The following MYO5B variants were observed in gnomAD, a reference collection of about 807,000 sequenced individuals.
The protein encoded by MYO5B is myosin VB.
In MYO5B, 143 loss-of-function variants were observed where a neutral mutation model predicts 229.3. The observed-to-expected ratio is 0.62, with a 90% CI of 0.54 to 0.72. The LOEUF is 0.72. Among genes scored for constraint, MYO5B ranks in the 30% least tolerant of loss-of-function variants. The probability of loss-of-function intolerance (pLI) is 0.00; values close to 1 mark genes in which losing one functional copy is unlikely to be tolerated. For missense variants in MYO5B, 2,321 were observed against 2,331.0 expected (o/e 1.00, Z 0.09); for synonymous variants, 918 against 885.2 (o/e 1.04, Z -0.66).
chr18:50,028,220 C>G (rs1215323114), intron 4 of MYO5B, among the ~76,000 whole-genome samples: 3 of 152,172 alleles, frequency 2.0e-5, no homozygotes, highest in Non-Finnish European at 4.4e-5. Context: ...TGATTAAAAA[C>G]AGTTCTTGAG....
intron 4 of MYO5B, among the ~76,000 whole-genome samples, chr18:50,035,520 C>T (rs973093554): frequency 1.3e-5 from 2 of 152,194 alleles, no homozygotes; most frequent in African/African-American, 4.8e-5. Context: ...CTCCTCTGTG[C>T]CATACCCGCG....
Position 50,169,295 on chromosome 18 carries a change from T to C in MYO5B, c.27+25472A>G, listed in dbSNP as rs2032894770. Reference sequence around the variant, plus strand: ...TCCAGCCTGGGCAAAGAGCAAGACCTTGTCTCAAAAAAGAAAAGCTACATA... The same window carrying C: ...TCCAGCCTGGGCAAAGAGCAAGACCCTGTCTCAAAAAAGAAAAGCTACATA... On this transcript the variant is annotated intron_variant, in intron 1 of 39. Coordinates refer to ENST00000285039, the MANE Select transcript of MYO5B (RefSeq NM_001080467.3). Among the ~76,000 whole-genome samples the C allele has an allele frequency of 1.6e-5, 2 of 127,098 alleles. 1 individual carries two copies. The highest frequency in any genetic ancestry group is 5.5e-4 in the South Asian group (2 of 3,638). 83.4% of individuals were successfully genotyped at this position (127,098 alleles called of 152,430 possible).
chr18:49,847,832 G>C (rs1402958480), intron 32 of MYO5B, among the ~76,000 whole-genome samples: 6 of 152,246 alleles, frequency 3.9e-5, no homozygotes, highest in Non-Finnish European at 7.3e-5. Flanking sequence ...GTGACCTGTG[G>C]GTGGTGGATC....
intron 1 of MYO5B, among the ~76,000 whole-genome samples, chr18:50,112,577 G>A (rs942908249): frequency 2.0e-5 from 3 of 152,174 alleles, no homozygotes; most frequent in African/African-American, 7.2e-5. Context: ...TGACACTTGA[G>A]ACTGGTTATG....
chr18:49,981,978 C>T (rs576928059), intron 8 of MYO5B, among the ~76,000 whole-genome samples: 9 of 152,286 alleles, frequency 5.9e-5, no homozygotes, highest in African/African-American at 2.2e-4. Flanking sequence ...GAGTATCTTG[C>T]TCTTAAGTCA....
chr18:49,934,744 G>A (rs1445517710), intron 16 of MYO5B, among the ~76,000 whole-genome samples: 2 of 152,220 alleles, frequency 1.3e-5, no homozygotes, highest in African/African-American at 4.8e-5. Context: ...GAGCAAGCAA[G>A]CAGCACACTG....
chr18:50,129,095 T>C (rs546154052), intron 1 of MYO5B, among the ~76,000 whole-genome samples: 1 of 152,252 alleles, frequency 6.6e-6, no homozygotes, highest in African/African-American at 2.4e-5. Flanking sequence ...TGCTCAGTGA[T>C]GTGAAAGGAG....
intron 1 of MYO5B, among the ~76,000 whole-genome samples, chr18:50,057,879 C>G (rs2030590381): frequency 6.6e-6 from 1 of 152,142 alleles, no homozygotes; most frequent in African/African-American, 2.4e-5. Context: ...AATCCTCATA[C>G]TAACTACTTA....
chr18:49,945,985 T>C (rs2025368142), intron 14 of MYO5B, among the ~76,000 whole-genome samples: 1 of 152,168 alleles, frequency 6.6e-6, no homozygotes, highest in South Asian at 2.1e-4. Context: ...ATAATTCTAA[T>C]TCATATACTT....
At chr18:50,035,784 A>T (rs575544045) in intron 4 of MYO5B, among the ~76,000 whole-genome samples, 8 of 152,348 alleles carry the variant, frequency 5.3e-5, no homozygotes, top group Non-Finnish European at 1.0e-4. Flanking sequence ...ATAGTTACAG[A>T]TCATTCTGTT....
At chr18:49,857,565 C>T (rs2024277317) in intron 29 of MYO5B, among the ~76,000 whole-genome samples, 1 of 152,204 alleles carries the variant, frequency 6.6e-6, no homozygotes, top group South Asian at 2.1e-4. Context: ...TCTCCAATAG[C>T]TAAAACAAGT....
At chr18:50,048,655 A>G (rs2030304177) in intron 2 of MYO5B, among the ~76,000 whole-genome samples, 1 of 152,184 alleles carries the variant, frequency 6.6e-6, no homozygotes, top group African/African-American at 2.4e-5. Context: ...GCATGAAGGT[A>G]TCATCTCTGC....
intron 29 of MYO5B, among the ~76,000 whole-genome samples, chr18:49,861,651 A>C (rs2024330757): frequency 6.6e-6 from 1 of 151,916 alleles, no homozygotes; most frequent in South Asian, 2.1e-4. Flanking sequence ...CTGATTACCT[A>C]CTCAGTGGCT....
At chr18:50,162,922 C>G (rs11082806) in intron 1 of MYO5B, among the ~76,000 whole-genome samples, 20,227 of 152,204 alleles carry the variant, frequency 0.13, 1,426 homozygotes, top group South Asian at 0.21. Context: ...CCAAGCTACT[C>G]GGAGCCACAC....
chr18:49,880,513 T>C lies in MYO5B; in HGVS notation c.3046-58A>G, dbSNP rs1159007000. The C allele has an allele frequency of 1.7e-5, 23 of 1,358,262 alleles. No individual in the cohort carries two copies. In the East Asian group the frequency reaches 5.0e-4, roughly 30 times the overall value. The allele number at this position is 1,358,262 out of a possible 1,614,324, so 84.1% of individuals were successfully genotyped here. The stretch of plus-strand genomic sequence containing the variant: ...TGATGCTGGGAAGAGGAGAGGCTCC[T>C]CTTGTGGGATTTGAATTTTAACTGG... On this transcript the variant is annotated intron_variant, in intron 22 of 39. Transcript: ENST00000285039.
intron 17 of MYO5B, among the ~76,000 whole-genome samples, chr18:49,914,340 T>C (rs1291562430): frequency 6.6e-6 from 1 of 152,140 alleles, no homozygotes; most frequent in African/African-American, 2.4e-5. Flanking sequence ...CACCCTGTGA[T>C]GGGGGGCCAG....
chr18:50,037,446 C>CAGAGAAT (rs1438539435), intron 3 of MYO5B, among the ~76,000 whole-genome samples: 1 of 152,166 alleles, frequency 6.6e-6, no homozygotes, highest in Non-Finnish European at 1.5e-5. Flanking sequence ...AACATGCGGA[C>CAGAGAAT]AGAGAATACA....
intron 1 of MYO5B, among the ~76,000 whole-genome samples, chr18:50,193,198 T>C (rs149188197): frequency 2.1e-3 from 315 of 152,338 alleles, no homozygotes; most frequent in African/African-American, 7.3e-3. Context: ...ATCCTCCCAA[T>C]ACCTCCACAG....
At chr18:50,085,002 G>T (rs1419251723) in intron 1 of MYO5B, among the ~76,000 whole-genome samples, 3 of 152,080 alleles carry the variant, frequency 2.0e-5, no homozygotes, top group African/African-American at 7.2e-5. Context: ...ACATAGGCAC[G>T]GGCAAGGACT....
Sources: allele counts gnomAD v4.1 joint callset (sites outside exome capture counted in the v4.1 genomes callset), GRCh38; gene constraint gnomAD v4.1.1; transcripts MANE v1.5; gene names NCBI Gene and HGNC (gene_info 2026-07-23, HGNC 2026-07-21).